Variants in TBC1D5 observed in about 807,000 individuals in gnomAD.
TBC1D5 encodes TBC1 domain family, member 5.
A neutral mutation model predicts 100.3 loss-of-function variants in TBC1D5; 75 were observed. That is an observed-to-expected ratio of 0.75 (90% CI 0.62 to 0.91). TBC1D5 has a LOEUF of 0.91. Ranked by LOEUF, TBC1D5 falls within the 40% of genes least tolerant of loss-of-function variation. TBC1D5 has a pLI of 0.00. For missense variants in TBC1D5, 910 were observed against 942.4 expected, an observed-to-expected ratio of 0.97 and a Z score of 0.45; for synonymous variants, 323 against 325.6, an observed-to-expected ratio of 0.99 and a Z score of 0.09.
chr3:17,451,868 T>C (rs11916984), intron 3 of TBC1D5, among the ~76,000 whole-genome samples: 3,061 of 151,720 alleles, frequency 0.02, 105 homozygotes, highest in African/African-American at 0.069. Context: ...TGCAGTGAGC[T>C]CAGAGAGGAC....
chr3:17,163,262 C>T (rs527857452), intron 21 of TBC1D5, among the ~76,000 whole-genome samples: 43 of 63,458 alleles, frequency 6.8e-4, no homozygotes, highest in South Asian at 1.1e-3. Flanking sequence ...TTGACCCCCC[C>T]CCCTTCCTTG....
chr3:17,478,601 G>A (rs914929821), intron 3 of TBC1D5, among the ~76,000 whole-genome samples: 12 of 152,206 alleles, frequency 7.9e-5, no homozygotes, highest in African/African-American at 2.9e-4. Context: ...TTATAGGATT[G>A]TTCACTGCTA....
intron 1 of TBC1D5, among the ~76,000 whole-genome samples, chr3:17,710,993 G>A (rs1001702794): frequency 6.6e-6 from 1 of 151,982 alleles, no homozygotes; most frequent in Non-Finnish European, 1.5e-5. Context: ...CACCATACAC[G>A]GTCTGTTTTC....
chr3:17,452,823 A>AT (rs2094958452), intron 3 of TBC1D5, among the ~76,000 whole-genome samples: 1 of 152,158 alleles, frequency 6.6e-6, no homozygotes, highest in Non-Finnish European at 1.5e-5. Context: ...GACTCAACAG[A>AT]TATTTACAGA....
intron 15 of TBC1D5, among the ~76,000 whole-genome samples, chr3:17,273,014 T>C (rs2079586214): frequency 6.6e-6 from 1 of 152,184 alleles, no homozygotes; most frequent in South Asian, 2.1e-4. Context: ...CTCTACAATC[T>C]TATTGCTTGA....
intron 15 of TBC1D5, among the ~76,000 whole-genome samples, chr3:17,262,952 T>C (rs2078465209): frequency 6.6e-6 from 1 of 151,932 alleles, no homozygotes; most frequent in Non-Finnish European, 1.5e-5. Context: ...GTAGGCTGGG[T>C]GCAGTGGTTC....
rs77546558 is a variant in TBC1D5, at chr3:17,701,850, CT to C, written c.-101+37492del. Reference sequence around the variant, plus strand: ...CAATCCCTGACCAGACTAGCTTTTTCTTTTTTTTTTTTCCTAACTAAGAATA... The same window carrying C: ...CAATCCCTGACCAGACTAGCTTTTTCTTTTTTTTTTTCCTAACTAAGAATA... On this transcript the variant is annotated intron_variant, in intron 1 of 21. Coordinates refer to ENST00000253692, the Ensembl canonical transcript of TBC1D5. Among the ~76,000 whole-genome samples, 294 of 142,754 alleles carry C rather than the reference CT, an allele frequency of 2.1e-3. 2 individuals are homozygous for C. The highest frequency in any genetic ancestry group is 1.1e-3 in the African/African-American group (45 of 39,208). The allele number at this position is 142,754 out of a possible 152,430, so 93.7% of individuals were successfully genotyped here.
At chr3:17,472,051 C>T (rs1158649356) in intron 3 of TBC1D5, among the ~76,000 whole-genome samples, 1 of 151,398 alleles carries the variant, frequency 6.6e-6, no homozygotes, top group Non-Finnish European at 1.5e-5. Flanking sequence ...ATGTTCATCT[C>T]ATTGTTAAGT....
chr3:17,601,465 T>G (rs1192097525), intron 2 of TBC1D5, among the ~76,000 whole-genome samples: 1 of 152,154 alleles, frequency 6.6e-6, no homozygotes, highest in Non-Finnish European at 1.5e-5. Context: ...GAGCCGAGAT[T>G]GCGCCATTGC....
chr3:17,271,567 A>G (rs919374392), intron 15 of TBC1D5, among the ~76,000 whole-genome samples: 1 of 152,090 alleles, frequency 6.6e-6, no homozygotes, highest in African/African-American at 2.4e-5. Flanking sequence ...TACTCTGACT[A>G]CCTTTTTTCC....
At position 17,661,312 on chromosome 3, in the gene TBC1D5, G is replaced by A. The variant is rs550333820; in HGVS notation, c.-100-37399C>T. Among the ~76,000 whole-genome samples the A allele has an allele frequency of 5.7e-4, 87 of 152,132 alleles. 1 individual carries two copies. Among genetic ancestry groups the A allele is most frequent in the African/African-American group, 2.0e-3 (85 of 41,470 alleles). Reference sequence around the variant, plus strand: ...AATGGTTATACATCACAGAATCTTCGAAGTATATACAGTCTTATCCCCAAA... The same window carrying A: ...AATGGTTATACATCACAGAATCTTCAAAGTATATACAGTCTTATCCCCAAA... On this transcript the variant is annotated intron_variant, in intron 1 of 21. Coordinates refer to ENST00000253692, the Ensembl canonical transcript of TBC1D5.
At chr3:17,558,093 T>C (rs1487713351) in intron 2 of TBC1D5, among the ~76,000 whole-genome samples, 1 of 152,214 alleles carries the variant, frequency 6.6e-6, no homozygotes, top group Admixed American at 6.5e-5. Flanking sequence ...TGTTCTACTA[T>C]AATTCTATTT....
At chr3:17,224,858 G>T (rs1413352527) in intron 17 of TBC1D5, among the ~76,000 whole-genome samples, 1 of 152,160 alleles carries the variant, frequency 6.6e-6, no homozygotes, top group Non-Finnish European at 1.5e-5. Flanking sequence ...GTAATACTAA[G>T]ATCAGCTCTT....
In TBC1D5 at chr3:17,502,029, G is replaced by A. The variant is rs1046253291; in HGVS notation, c.97+6445C>T. 6.0e-5 allele frequency among the ~76,000 whole-genome samples: 9 copies of A among 149,450 alleles called. 1 individual carries two copies. The highest frequency in any genetic ancestry group is 2.3e-4 in the African/African-American group (9 of 39,354). On this transcript the variant is annotated intron_variant, in intron 3 of 21. Transcript: ENST00000253692. ...CTGCCATCAAACCCATGAACTTGTT[G>A]CATCTAAACACCTCCTTTTCTTTTT...
chr3:17,579,352 T>C (rs1560201603), intron 2 of TBC1D5, among the ~76,000 whole-genome samples: 1 of 152,088 alleles, frequency 6.6e-6, no homozygotes, highest in Non-Finnish European at 1.5e-5. Flanking sequence ...TCAATTATTA[T>C]GGGTTAATTT....
At chr3:17,685,769 A>G (rs1459361918) in intron 1 of TBC1D5, among the ~76,000 whole-genome samples, 2 of 152,126 alleles carry the variant, frequency 1.3e-5, no homozygotes, top group Non-Finnish European at 2.9e-5. Context: ...GACACTCAAG[A>G]CATTCTTAAC....
intron 2 of TBC1D5, among the ~76,000 whole-genome samples, chr3:17,591,272 A>AAAAAAC (rs2096769889): frequency 2.1e-5 from 3 of 143,754 alleles, no homozygotes; most frequent in Admixed American, 7.1e-5. Flanking sequence ...AAAAACAAAA[A>AAAAAAC]CCCCAGAGAA....
chr3:17,332,168 G>A (rs1046515880), intron 13 of TBC1D5, among the ~76,000 whole-genome samples: 3 of 152,126 alleles, frequency 2.0e-5, no homozygotes, highest in African/African-American at 4.8e-5. Context: ...AGAGTGAAGT[G>A]GCCTGGTGGA....
intron 2 of TBC1D5, among the ~76,000 whole-genome samples, chr3:17,546,828 TCTG>T (rs1038011862): frequency 2.0e-5 from 3 of 150,220 alleles, no homozygotes; most frequent in African/African-American, 7.4e-5. Context: ...ATCCAACGAG[TCTG>T]CTGATATTCC....
Sources: allele counts gnomAD v4.1 joint callset (sites outside exome capture counted in the v4.1 genomes callset), GRCh38; gene constraint gnomAD v4.1.1; transcripts MANE v1.5; gene names NCBI Gene and HGNC (gene_info 2026-07-23, HGNC 2026-07-21).